The following SPEF2 variants were observed in gnomAD, a reference collection of about 807,000 sequenced individuals.
SPEF2 encodes the protein sperm flagellar and cilia associated 2.
In SPEF2, 187 loss-of-function variants were observed where a neutral mutation model predicts 224.6. The ratio of observed to expected loss-of-function variants is 0.83; its 90% CI spans 0.74 to 0.94. The LOEUF (loss-of-function observed/expected upper bound fraction) is 0.94, where lower values mean the gene tolerates loss of function less well. SPEF2 is among the 40% of genes least tolerant of loss of function. SPEF2 has a pLI of 0.00. For synonymous variants in SPEF2, 715 were observed against 707.3 expected, an observed-to-expected ratio of 1.01 and a Z score of -0.17; for missense variants, 2,170 against 2,135.6, an observed-to-expected ratio of 1.02 and a Z score of -0.32.
intron 18 of SPEF2, among the ~76,000 whole-genome samples, chr5:35,706,359 T>C (rs1318668855): frequency 1.3e-5 from 2 of 151,922 alleles, no homozygotes; most frequent in African/African-American, 4.8e-5. Context: ...TCATGTTTTA[T>C]CTTACCCACA....
chr5:35,628,650 A>T, intron 2 of SPEF2, 88 bp downstream of exon 2: 1 of 887,624 alleles, frequency 1.1e-6, no homozygotes, highest in Non-Finnish European at 1.8e-6. Flanking sequence ...GGAGTGCAGT[A>T]GCGTGATCAT....
At chr5:35,665,279 A>G (rs1305086299) in intron 8 of SPEF2, among the ~76,000 whole-genome samples, 2 of 152,270 alleles carry the variant, frequency 1.3e-5, no homozygotes, top group East Asian at 1.9e-4. Flanking sequence ...ACTACCTCCC[A>G]CAGACTTCCT....
chr5:35,808,858 A>G (rs980942730), intron 36 of SPEF2, among the ~76,000 whole-genome samples: 2 of 148,034 alleles, frequency 1.4e-5, no homozygotes, highest in African/African-American at 5.0e-5. Flanking sequence ...TTTTAAATAT[A>G]TATGTAAAAA....
In SPEF2 at chr5:35,769,426, C is replaced by CA. The variant is rs199619311; in HGVS notation, c.3802-2175dup. On this transcript the variant is annotated intron_variant, in intron 26 of 36. Coordinates refer to ENST00000356031, the MANE Select transcript of SPEF2 (RefSeq NM_024867.4). ...GCAAAGGGAGAAAGAAAGAAAAAGA[C>CA]AAAAAAAACCACAAAGAAATCTGCT... Among the ~76,000 whole-genome samples, 113 of 151,174 alleles carry CA rather than the reference C, an allele frequency of 7.5e-4. 1 individual carries two copies. The highest frequency in any genetic ancestry group is 6.8e-4 in the Non-Finnish European group (46 of 67,684).
At chr5:35,747,742 C>A (rs1748771974) in intron 23 of SPEF2, among the ~76,000 whole-genome samples, 1 of 152,022 alleles carries the variant, frequency 6.6e-6, no homozygotes, top group African/African-American at 2.4e-5. Context: ...TAGTGGGGGA[C>A]AACAATATTC....
At chr5:35,780,406 G>A (rs531539993) in intron 30 of SPEF2, among the ~76,000 whole-genome samples, 2 of 152,254 alleles carry the variant, frequency 1.3e-5, no homozygotes, top group East Asian at 3.9e-4. Context: ...GCTTTGATGT[G>A]TCAGCTCATC....
At position 35,780,368 on chromosome 5, in the gene SPEF2, T is replaced by A. The variant is rs771358959; in HGVS notation, c.4447+1022T>A. 1.0e-3 allele frequency among the ~76,000 whole-genome samples: 157 copies of A among 152,274 alleles called. 3 individuals are homozygous for A. Among genetic ancestry groups the A allele is most frequent in the Non-Finnish European group, 2.5e-4 (17 of 68,020 alleles). On this transcript the variant is annotated intron_variant, in intron 30 of 36. Transcript: ENST00000356031. ...CCAAGCCCAATAGGTGAAATTGGTGTATGTGTGTGTGCCTGGGTGAACCTT... is the reference window on the plus strand; with the variant it reads ...CCAAGCCCAATAGGTGAAATTGGTGAATGTGTGTGTGCCTGGGTGAACCTT...
intron 33 of SPEF2, among the ~76,000 whole-genome samples, chr5:35,796,632 C>T (rs143385519): frequency 4.0e-4 from 61 of 151,670 alleles, no homozygotes; most frequent in African/African-American, 1.3e-3. Context: ...AATCTCAACG[C>T]TACTCTGACC....
At chr5:35,785,636 A>ACC (rs371386037) in intron 30 of SPEF2, among the ~76,000 whole-genome samples, 8 of 145,780 alleles carry the variant, frequency 5.5e-5, no homozygotes, top group African/African-American at 1.8e-4. Context: ...CCTCAGCACA[A>ACC]CCCCCCCCCA....
intron 28 of SPEF2, among the ~76,000 whole-genome samples, chr5:35,775,323 T>C (rs1753456088): frequency 6.6e-6 from 1 of 152,092 alleles, no homozygotes; most frequent in Non-Finnish European, 1.5e-5. Context: ...AGTTCCTGAC[T>C]TACCAACGGA....
chr5:35,789,326 T>C (rs1461914009), intron 30 of SPEF2: 2 of 703,478 alleles, frequency 2.8e-6, no homozygotes, highest in South Asian at 3.0e-5. Flanking sequence ...TGCTGACATA[T>C]TTGCCACTTT....
At chr5:35,759,244 A>G (rs1341574500) in intron 24 of SPEF2, among the ~76,000 whole-genome samples, 3 of 152,160 alleles carry the variant, frequency 2.0e-5, no homozygotes, top group Non-Finnish European at 4.4e-5. Context: ...GGACACAGGA[A>G]TTGCTAATGT....
chr5:35,689,426 A>G (rs778084552), intron 10 of SPEF2, among the ~76,000 whole-genome samples: 43 of 152,062 alleles, frequency 2.8e-4, no homozygotes, highest in Non-Finnish European at 4.6e-4. Flanking sequence ...GCATGATGCT[A>G]TGTTTGGGGT....
chr5:35,786,546 A>G (rs1257565663), intron 30 of SPEF2, among the ~76,000 whole-genome samples: 5 of 152,032 alleles, frequency 3.3e-5, no homozygotes, highest in African/African-American at 4.8e-5. Flanking sequence ...TGTATTCCCA[A>G]CTACTCAAGA....
At chr5:35,685,022 C>T (rs770510073) in intron 10 of SPEF2, among the ~76,000 whole-genome samples, 4 of 152,112 alleles carry the variant, frequency 2.6e-5, no homozygotes, top group Non-Finnish European at 5.9e-5. Context: ...AGCAAGTAAT[C>T]AACTATAGTG....
intron 31 of SPEF2, 129 bp from the exon 32 acceptor site, chr5:35,793,030 A>G: frequency 1.3e-6 from 1 of 789,364 alleles, no homozygotes. Context: ...AAAAGTCAGA[A>G]CTGATTCTAT....
chr5:35,641,802 T>A, intron 3 of SPEF2, 119 bp downstream of exon 3: 1 of 1,025,602 alleles, frequency 9.8e-7, no homozygotes, highest in Non-Finnish European at 1.4e-6. Context: ...TTATGTATGT[T>A]ACTGGCCATA....
chr5:35,787,495 C>A (rs1755322865), intron 30 of SPEF2, among the ~76,000 whole-genome samples: 1 of 152,136 alleles, frequency 6.6e-6, no homozygotes, highest in Admixed American at 6.5e-5. Flanking sequence ...TTTCTTCATA[C>A]AAGACGCGTG....
chr5:35,784,542 G>T (rs1157132991), intron 30 of SPEF2, among the ~76,000 whole-genome samples: 1 of 152,200 alleles, frequency 6.6e-6, no homozygotes, highest in Admixed American at 6.5e-5. Flanking sequence ...GAGTTCAAAG[G>T]CAGAACTAGC....
Sources: gnomAD v4.1 joint callset for allele counts (sites outside exome capture counted in the v4.1 genomes callset) on GRCh38, gnomAD v4.1.1 for gene constraint, MANE v1.5 for transcripts, NCBI Gene and HGNC (gene_info 2026-07-23, HGNC 2026-07-21) for gene names.